The following CTNNA3 variants were observed in gnomAD, a reference collection of about 807,000 sequenced individuals.
The protein encoded by CTNNA3 is catenin alpha-3.
In CTNNA3, 76 loss-of-function variants were observed where a neutral mutation model predicts 95.7. The observed-to-expected ratio is 0.79, with a 90% CI of 0.66 to 0.96. The LOEUF (loss-of-function observed/expected upper bound fraction) is 0.96, where lower values mean the gene tolerates loss of function less well. Among genes scored for constraint, CTNNA3 ranks in the 40% least tolerant of loss-of-function variants. The pLI is 0.00. For synonymous variants in CTNNA3, 431 were observed against 374.4 expected (o/e 1.15, Z -1.74); for missense variants, 1,191 against 1,089.8 (o/e 1.09, Z -1.31).
At chr10:67,021,820 G>A (rs1371005347) in intron 7 of CTNNA3, among the ~76,000 whole-genome samples, 1 of 152,140 alleles carries the variant, frequency 6.6e-6, no homozygotes, top group African/African-American at 2.4e-5. Context: ...CAAATGAAAG[G>A]AAGTACTATA....
intron 9 of CTNNA3, among the ~76,000 whole-genome samples, chr10:66,736,520 C>A (rs1849148972): frequency 6.6e-6 from 1 of 151,918 alleles, no homozygotes; most frequent in South Asian, 2.1e-4. Context: ...ATTATTCTTT[C>A]TATCATTATA....
At chr10:65,962,902 C>T (rs1362915964) in intron 17 of CTNNA3, among the ~76,000 whole-genome samples, 16 of 152,134 alleles carry the variant, frequency 1.1e-4, no homozygotes, top group Admixed American at 1.0e-3. Flanking sequence ...TTTTATGTGG[C>T]TGCATAGTAT....
chr10:66,970,299 T>C (rs2132822002), intron 7 of CTNNA3, among the ~76,000 whole-genome samples: 1 of 152,292 alleles, frequency 6.6e-6, no homozygotes, highest in South Asian at 2.1e-4. Context: ...GTTACTCTGT[T>C]GTATTTTCAC....
chr10:65,936,642 T>G (rs1589147499), intron 17 of CTNNA3, among the ~76,000 whole-genome samples: 1 of 152,024 alleles, frequency 6.6e-6, no homozygotes, highest in East Asian at 1.9e-4. Context: ...CAAGCCAAAC[T>G]TTCTCCCCAG....
intron 11 of CTNNA3, among the ~76,000 whole-genome samples, chr10:66,485,189 T>C (rs1473698860): frequency 6.6e-6 from 1 of 152,124 alleles, no homozygotes; most frequent in Non-Finnish European, 1.5e-5. Context: ...GTGTGCATAC[T>C]TTTGCCAATT....
chr10:66,399,384 A>G (rs1404221218), intron 11 of CTNNA3, among the ~76,000 whole-genome samples: 1 of 151,922 alleles, frequency 6.6e-6, no homozygotes, highest in Non-Finnish European at 1.5e-5. Flanking sequence ...TTTAACAGAA[A>G]AAAACCACAA....
chr10:67,637,934 G>T (rs565683443), intron 2 of CTNNA3, among the ~76,000 whole-genome samples: 1 of 152,094 alleles, frequency 6.6e-6, no homozygotes, highest in African/African-American at 2.4e-5. Flanking sequence ...GACCATCAAG[G>T]CTAGGAAGTA....
chr10:66,901,069 A>G (rs919479447), intron 7 of CTNNA3, among the ~76,000 whole-genome samples: 2 of 152,204 alleles, frequency 1.3e-5, no homozygotes, highest in Non-Finnish European at 2.9e-5. Flanking sequence ...TGCAAGACAC[A>G]TACTTGTCAG....
At chr10:66,225,681 T>C (rs2089246193) in intron 13 of CTNNA3, among the ~76,000 whole-genome samples, 1 of 151,848 alleles carries the variant, frequency 6.6e-6, no homozygotes, top group Non-Finnish European at 1.5e-5. Context: ...GATGTCCTAA[T>C]TTACATTCTC....
At chr10:66,920,192 G>A (rs923465389) in intron 7 of CTNNA3, among the ~76,000 whole-genome samples, 1 of 152,140 alleles carries the variant, frequency 6.6e-6, no homozygotes, top group Non-Finnish European at 1.5e-5. Context: ...AGAAATATCT[G>A]TAACACTTTA....
At chr10:66,422,788 C>A (rs2093206540) in intron 11 of CTNNA3, among the ~76,000 whole-genome samples, 1 of 151,744 alleles carries the variant, frequency 6.6e-6, no homozygotes, top group African/African-American at 2.4e-5. Context: ...CTCCACCACA[C>A]CTGGTTAATT....
intron 1 of CTNNA3, among the ~76,000 whole-genome samples, chr10:67,692,081 C>G: frequency 1.4e-5 from 2 of 147,654 alleles, no homozygotes; most frequent in South Asian, 4.3e-4. Context: ...GGGGTCAGCC[C>G]CCCGCCCGGC....
intron 7 of CTNNA3, among the ~76,000 whole-genome samples, chr10:67,138,733 T>C (rs1214103281): frequency 6.6e-6 from 1 of 152,152 alleles, no homozygotes; most frequent in Non-Finnish European, 1.5e-5. Context: ...CAACCCAACT[T>C]TCTGGGTTTT....
chr10:66,858,783 C>A (rs1366819802), intron 7 of CTNNA3, among the ~76,000 whole-genome samples: 1 of 151,528 alleles, frequency 6.6e-6, no homozygotes, highest in Non-Finnish European at 1.5e-5. Flanking sequence ...TCTCTTTTTT[C>A]TTTATTAGTA....
rs143601111 is a variant in CTNNA3, at chr10:66,466,339, TACACACACAC to T, written c.1531+54268_1531+54277del. Among the ~76,000 whole-genome samples the T allele has an allele frequency of 5.6e-5, 8 of 141,846 alleles. No individual in the cohort carries two copies. The South Asian group carries it at 1.2e-3, about 21-fold the overall frequency. The allele number at this position is 141,846 out of a possible 152,430, so 93.1% of individuals were successfully genotyped here. A position where few individuals can be genotyped will look rare whatever the true frequency, so the allele number is the denominator to read the frequency against. ...ACACACACATACACGCACCCACCTATACACACACACACACACACACACACACACACACACA... is the reference window on the plus strand; with the variant it reads ...ACACACACATACACGCACCCACCTATACACACACACACACACACACACACA... On this transcript the variant is annotated intron_variant, in intron 11 of 17. Coordinates refer to ENST00000433211, the MANE Select transcript of CTNNA3 (RefSeq NM_013266.4).
At position 67,519,558 on chromosome 10, in the gene CTNNA3, G is replaced by A. The variant is rs189422452; in HGVS notation, c.579+2284C>T. Among the ~76,000 whole-genome samples the A allele has an allele frequency of 2.6e-5, 4 of 152,190 alleles. No homozygotes were observed. In the East Asian group the frequency reaches 7.7e-4, roughly 29 times the overall value. ...ATCTGAGGTCAAACCTTTTGGCATGGTTCTTTGTTCATAGCAACAACACCA... is the reference window on the plus strand; with the variant it reads ...ATCTGAGGTCAAACCTTTTGGCATGATTCTTTGTTCATAGCAACAACACCA... On this transcript the variant is annotated intron_variant, in intron 5 of 17. Coordinates refer to ENST00000433211, the MANE Select transcript of CTNNA3 (RefSeq NM_013266.4).
chr10:67,185,034 G>T (rs1041196197), intron 6 of CTNNA3, among the ~76,000 whole-genome samples: 4 of 152,074 alleles, frequency 2.6e-5, no homozygotes, highest in Admixed American at 2.0e-4. Context: ...ATGTAAACTA[G>T]AATATAGATC....
At chr10:67,722,868 T>C (rs1266817234) in intron 1 of CTNNA3, among the ~76,000 whole-genome samples, 9 of 152,138 alleles carry the variant, frequency 5.9e-5, no homozygotes, top group African/African-American at 1.9e-4. Context: ...TAAATGTTGA[T>C]GAAATAGATT....
intron 15 of CTNNA3, among the ~76,000 whole-genome samples, chr10:66,043,134 G>GAA (rs60278132): frequency 4.8e-4 from 49 of 102,908 alleles, no homozygotes; most frequent in African/African-American, 1.2e-3. Flanking sequence ...TCCGGGTAAT[G>GAA]AAAAAAAAAA....
Sources: allele counts gnomAD v4.1 joint callset (sites outside exome capture counted in the v4.1 genomes callset), GRCh38; gene constraint gnomAD v4.1.1; transcripts MANE v1.5; gene names NCBI Gene and HGNC (gene_info 2026-07-23, HGNC 2026-07-21).